SLCO1A2: variants seen among roughly 807,000 people sequenced by gnomAD.
The protein encoded by SLCO1A2 is solute carrier organic anion transporter family member 1A2.
Under a neutral mutation model 69.0 loss-of-function variants are expected in SLCO1A2, and 67 were observed. The observed-to-expected ratio is 0.97, with a 90% CI of 0.80 to 1.19. The LOEUF is 1.19. Ranked by LOEUF, SLCO1A2 falls within the 50% of genes most tolerant of loss-of-function variation. The pLI is 0.00. For missense variants in SLCO1A2, 787 were observed against 793.7 expected, an observed-to-expected ratio of 0.99 and a Z score of 0.10; for synonymous variants, 260 against 265.9, an observed-to-expected ratio of 0.98 and a Z score of 0.22.
intron 7 of SLCO1A2, 92 bp downstream of exon 7, chr12:21,301,079 G>A (rs1948652417): frequency 1.6e-6 from 1 of 628,950 alleles, no homozygotes; most frequent in Admixed American, 3.6e-5. Context: ...TTATCAAATT[G>A]AAGGTCAAGT....
intron 1 of SLCO1A2, among the ~76,000 whole-genome samples, chr12:21,405,045 G>A (rs1198447917): frequency 1.4e-5 from 2 of 147,640 alleles, no homozygotes; most frequent in African/African-American, 4.9e-5. Context: ...TTCGAGAAGT[G>A]TCTGTTCATG....
At chr12:21,282,034 A>T (rs908070844) in intron 12 of SLCO1A2, among the ~76,000 whole-genome samples, 10 of 152,076 alleles carry the variant, frequency 6.6e-5, no homozygotes, top group African/African-American at 2.2e-4. Context: ...AACTATTCTG[A>T]AAAACAGAAG....
chr12:21,416,796 A>G (rs10770806), intron 1 of SLCO1A2, among the ~76,000 whole-genome samples: 98,781 of 151,886 alleles, frequency 0.65, 32,284 homozygotes, highest in Middle Eastern at 0.77. Context: ...ACATCATTGA[A>G]TTCAGGAAAC....
intron 2 of SLCO1A2, among the ~76,000 whole-genome samples, chr12:21,323,941 C>A (rs530580835): frequency 7.9e-4 from 120 of 152,242 alleles, no homozygotes; most frequent in African/African-American, 2.9e-3. Flanking sequence ...ATAGTCTTAA[C>A]AGAAGGGCAT....
At chr12:21,297,762 G>A (rs11045946) in intron 8 of SLCO1A2, among the ~76,000 whole-genome samples, 194 bp from the exon 9 acceptor site, 13,826 of 152,246 alleles carry the variant, frequency 0.091, 875 homozygotes, top group Non-Finnish European at 0.13. Flanking sequence ...AGTCAGTGAT[G>A]TAGCTGACTG....
chr12:21,386,360 A>G (rs1239497189), intron 1 of SLCO1A2, among the ~76,000 whole-genome samples: 1 of 152,206 alleles, frequency 6.6e-6, no homozygotes, highest in Non-Finnish European at 1.5e-5. Context: ...CCCTAGTGAT[A>G]TGGTTTGGCT....
At chr12:21,378,449 A>G (rs1218466062) in intron 1 of SLCO1A2, 4 of 1,574,736 alleles carry the variant, frequency 2.5e-6, no homozygotes, top group Non-Finnish European at 3.5e-6. Context: ...CTCTATAGTT[A>G]TTGTTTTATG....
intron 12 of SLCO1A2, among the ~76,000 whole-genome samples, chr12:21,277,397 G>A (rs935938471): frequency 8.6e-5 from 13 of 152,044 alleles, no homozygotes; most frequent in African/African-American, 4.8e-5. Flanking sequence ...ACAGCTATAC[G>A]CAGGTAGTAT....
intron 2 of SLCO1A2, among the ~76,000 whole-genome samples, chr12:21,371,407 T>C (rs1591892431): frequency 6.6e-6 from 1 of 152,202 alleles, no homozygotes; most frequent in East Asian, 1.9e-4. Context: ...TTTGATTTTT[T>C]TTCTTTTGGA....
intron 2 of SLCO1A2, 33 bp downstream of exon 2, chr12:21,334,555 A>C: frequency 6.6e-7 from 1 of 1,510,198 alleles, no homozygotes; most frequent in African/African-American, 1.4e-5. Flanking sequence ...ACTAGTGTAC[A>C]TGCACATATA....
chr12:21,396,256 G>A (rs1941455019), upstream of SLCO1A2, among the ~76,000 whole-genome samples: 1 of 151,304 alleles, frequency 6.6e-6, no homozygotes, highest in Non-Finnish European at 1.5e-5. Flanking sequence ...GCGATCAACT[G>A]GAAGAAACGG....
chr12:21,282,946 A>G (rs1360006117), intron 12 of SLCO1A2, among the ~76,000 whole-genome samples: 1 of 150,476 alleles, frequency 6.6e-6, no homozygotes, highest in African/African-American at 2.5e-5. Context: ...AAATGAAAAT[A>G]TATTATATGC....
chr12:21,375,592 G>A (rs929752743), intron 1 of SLCO1A2, among the ~76,000 whole-genome samples: 3 of 152,120 alleles, frequency 2.0e-5, no homozygotes, highest in Non-Finnish European at 2.9e-5. Context: ...TGCCTGGCAG[G>A]TAATCAAAGG....
At chr12:21,411,824 C>T (rs1445809990) in intron 1 of SLCO1A2, among the ~76,000 whole-genome samples, 1 of 151,984 alleles carries the variant, frequency 6.6e-6, no homozygotes, top group Non-Finnish European at 1.5e-5. Flanking sequence ...GCTGGGACTA[C>T]AGGCACACTC....
intron 4 of SLCO1A2, among the ~76,000 whole-genome samples, chr12:21,313,761 G>A (rs1243910569): frequency 2.0e-5 from 3 of 151,674 alleles, no homozygotes; most frequent in Non-Finnish European, 4.4e-5. Flanking sequence ...ACGAGGTTAG[G>A]AGATCGAGAC....
At chr12:21,418,865 A>G (rs1182980678), upstream of SLCO1A2, among the ~76,000 whole-genome samples, 1 of 152,162 alleles carries the variant, frequency 6.6e-6, no homozygotes, top group Non-Finnish European at 1.5e-5. Context: ...AATTTGGCTT[A>G]TGATCTATTT....
chr12:21,317,119 A>T (rs1209070794), intron 3 of SLCO1A2, among the ~76,000 whole-genome samples: 2 of 152,190 alleles, frequency 1.3e-5, no homozygotes, highest in African/African-American at 4.8e-5. Flanking sequence ...CTCCGGGATC[A>T]TATGGTGTTA....
rs147131726 is a variant in SLCO1A2, at chr12:21,417,728, T to C, written c.-312+154A>G. Among the ~76,000 whole-genome samples, 1,436 of 152,184 alleles carry C rather than the reference T, an allele frequency of 9.4e-3. 17 individuals carry two copies. The highest frequency in any genetic ancestry group is 0.015 in the Non-Finnish European group (1,003 of 68,010). On this transcript the variant is annotated intron_variant, in intron 1 of 4. Transcript: ENST00000413682. ...AAATTATGTAGAAGATGGGATTTGGTGGATGTCAAAAAGTTAAATCACGAA... is the reference window on the plus strand; with the variant it reads ...AAATTATGTAGAAGATGGGATTTGGCGGATGTCAAAAAGTTAAATCACGAA...
At chr12:21,373,282 A>G (rs191747696) in intron 2 of SLCO1A2, 374 of 1,045,430 alleles carry the variant, frequency 3.6e-4, no homozygotes, top group Admixed American at 7.0e-4. Context: ...TTAAAATTAC[A>G]TCAATTAGAA....
Sources: gnomAD v4.1 joint callset for allele counts (sites outside exome capture counted in the v4.1 genomes callset) on GRCh38, gnomAD v4.1.1 for gene constraint, MANE v1.5 for transcripts, NCBI Gene and HGNC (gene_info 2026-07-23, HGNC 2026-07-21) for gene names.